Variants in GDF1 observed in about 807,000 individuals in gnomAD.
GDF1 encodes growth differentiation factor 1.
GDF1 carries 8 observed loss-of-function variants against 7.4 expected under a neutral mutation model. The observed-to-expected ratio is 1.09, with a 90% CI of 0.64 to 1.96. GDF1 has a LOEUF of 1.96. Ranked by LOEUF, GDF1 falls within the 30% of genes most tolerant of loss-of-function variation. The pLI, the probability that GDF1 is intolerant of heterozygous loss-of-function variation, is 0.00. For missense variants in GDF1, 574 were observed against 551.5 expected (o/e 1.04, Z -0.41); for synonymous variants, 311 against 276.7 (o/e 1.12, Z -1.23).
chr19:18,870,066 G>A lies in GDF1; in HGVS notation c.242C>T (p.Thr81Met), dbSNP rs578136748. Residue 81 changes from threonine to methionine, a missense_variant, in exon 7 of 8, where the codon ACG becomes ATG. Transcript: ENST00000247005. The surrounding 1 kb of genome is among the most constrained non-coding windows in gnomAD (Gnocchi z 5.1). ...PQETRSGSRR[T>M]SPGVTLQPCH... ...CGGTTGCAGGGTGACCCCTGGGGAC[G>A]TCCGCCGCGAGCCAGACCTGGTCTC... is the stretch of plus-strand genomic sequence containing the variant. 1.3e-6 allele frequency: 2 copies of A among 1,583,708 alleles called. No homozygotes were observed. Among genetic ancestry groups the A allele is most frequent in the Non-Finnish European group, 1.7e-6 (2 of 1,170,064 alleles).
chr19:18,869,901 G>A, intron 7 of GDF1, 82 bp downstream of exon 7: 1 of 1,382,324 alleles, frequency 7.2e-7, no homozygotes, highest in Non-Finnish European at 1.0e-6. Context: ...GGAGCTGCTC[G>A]GGCATCCCCG....
At position 18,868,799 on chromosome 19, in the gene GDF1, AGC is replaced by A; in HGVS notation, c.915_916del (p.Leu306ValfsTer45). Reference sequence around the variant, plus strand: ...CGCCGGCGGCCCCCCGGACCCCGACAGCGCGACGGGCAGCGCGCACTGACCCT... The same window carrying A: ...CGCCGGCGGCCCCCCGGACCCCGACAGCGACGGGCAGCGCGCACTGACCCT... On this transcript the variant is annotated frameshift_variant, in exon 8 of 8. Transcript: ENST00000247005. LOFTEE classifies it low-confidence loss of function (END_TRUNC). 6.9e-7 allele frequency: 1 copy of A among 1,456,588 alleles called. No individual in the cohort carries two copies. The highest frequency in any genetic ancestry group is 9.1e-7 in the Non-Finnish European group (1 of 1,094,210). The allele number at this position is 1,456,588 out of a possible 1,614,324, so 90.2% of individuals were successfully genotyped here.
chr19:18,886,755 C>T (rs1405479433), intron 2 of GDF1, among the ~76,000 whole-genome samples: 2 of 152,156 alleles, frequency 1.3e-5, no homozygotes, highest in Non-Finnish European at 2.9e-5. Context: ...GCCCAGCTGC[C>T]TCCAGATGCC....
chr19:18,895,769 G>T lies in GDF1; in HGVS notation c.-1074+55C>A. The T allele has an allele frequency of 9.7e-7, 1 of 1,035,188 alleles. No homozygotes were observed. The highest frequency in any genetic ancestry group is 1.2e-6 in the Non-Finnish European group (1 of 825,332). The allele number at this position is 1,035,188 out of a possible 1,614,324, so 64.1% of individuals were successfully genotyped here. On this transcript the variant is annotated intron_variant, in intron 1 of 7. Transcript: ENST00000247005. The surrounding 1 kb of genome is among the most constrained non-coding windows in gnomAD (Gnocchi z 6.4). The stretch of plus-strand genomic sequence containing the variant: ...ACGCGCCGGCGGCCCCAGGTCCCCG[G>T]TCCCGGCTTCCCCCAGTCCGGGGTC...
In GDF1 at chr19:18,868,828, G is replaced by A. The variant is rs1469009371; in HGVS notation, c.888C>T (p.Cys296=). ...CGACGGGCAGCGCGCACTGACCCTG[G>A]CAGTAGTTGGCCAGGAAGCCGCGCG... ...IAPRGFLANY[C]QGQCALPVAL... is the part of the protein sequence containing the mutation. The change falls in exon 8 of 8, where the codon TGC becomes TGT. Residue 296 remains cysteine (C), a synonymous_variant. Coordinates refer to ENST00000247005, the MANE Select transcript of GDF1 (RefSeq NM_001492.6). The A allele has an allele frequency of 6.9e-7, 1 of 1,455,950 alleles. No individual in the cohort carries two copies. Among genetic ancestry groups the A allele is most frequent in the South Asian group, 1.2e-5 (1 of 81,240 alleles). The allele number at this position is 1,455,950 out of a possible 1,614,324, so 90.2% of individuals were successfully genotyped here.
At position 18,868,787 on chromosome 19, in the gene GDF1, C is replaced by A; in HGVS notation, c.929G>T (p.Gly310Val). 1 of 1,463,856 alleles carries A rather than the reference C, an allele frequency of 6.8e-7. No individual in the cohort carries two copies. The highest frequency in any genetic ancestry group is 9.1e-7 in the Non-Finnish European group (1 of 1,098,688). The allele number at this position is 1,463,856 out of a possible 1,614,324, so 90.7% of individuals were successfully genotyped here. ...CALPVALSGS[G>V]GPPALNHAVL... ...AGCGTGGTTGAGCGCCGGCGGCCCC[C>A]CGGACCCCGACAGCGCGACGGGCAG... is the stretch of plus-strand genomic sequence containing the variant. The change falls in exon 8 of 8, where the codon GGG becomes GTG. Residue 310 changes from glycine (G) to valine (V), a missense_variant. Physicochemically the swap from Gly to Val is moderately radical, Grantham distance 109. Transcript: ENST00000247005.
chr19:18,873,092 A>G (rs1838301632), intron 6 of GDF1, among the ~76,000 whole-genome samples: 1 of 152,168 alleles, frequency 6.6e-6, no homozygotes, highest in African/African-American at 2.4e-5. Flanking sequence ...AGGGAGACAG[A>G]GGAGACAAGA....
Position 18,884,200 on chromosome 19 carries a change from A to G in GDF1, c.-846T>C, listed in dbSNP as rs1426719277. 25 of 1,613,594 alleles carry G rather than the reference A, an allele frequency of 1.5e-5. No homozygotes were observed. The highest frequency in any genetic ancestry group is 2.0e-5 in the Non-Finnish European group (24 of 1,179,844). ...ATAGCGTAGCGTAGATGGAGTGGCC[A>G]TAGAAGCTTCCCTGGAGCAGGTAGG... On this transcript the variant is annotated 5_prime_UTR_variant, in exon 3 of 8. An upstream start codon of the reference 5' UTR is lost. Coordinates refer to ENST00000247005, the MANE Select transcript of GDF1 (RefSeq NM_001492.6).
intron 6 of GDF1, chr19:18,877,951 C>T (rs1481403733): frequency 1.0e-6 from 1 of 983,658 alleles, no homozygotes; most frequent in Non-Finnish European, 1.2e-6. Context: ...TTCATCTACA[C>T]CCAAGGCGAA....
At chr19:18,890,866 G>A (rs992743930) in intron 2 of GDF1, among the ~76,000 whole-genome samples, 1 of 151,458 alleles carries the variant, frequency 6.6e-6, no homozygotes, top group Non-Finnish European at 1.5e-5. Context: ...GCTCATGCCT[G>A]TAATCCTGAC....
At chr19:18,883,322 A>C (rs2056261284) in intron 3 of GDF1, 1 of 152,202 alleles carries the variant, frequency 6.6e-6, no homozygotes. Context: ...AATTTTAATA[A>C]TGCATTCTAA....
chr19:18,873,213 A>G (rs565856918), intron 6 of GDF1, among the ~76,000 whole-genome samples: 47 of 152,120 alleles, frequency 3.1e-4, no homozygotes, highest in Non-Finnish European at 4.4e-4. Context: ...TTGGGGGCTG[A>G]TTTGAGATAT....
chr19:18,888,924 C>T (rs1233299501), intron 2 of GDF1, among the ~76,000 whole-genome samples: 2 of 135,412 alleles, frequency 1.5e-5, no homozygotes, highest in Admixed American at 7.8e-5. Context: ...CAGAGTCTTG[C>T]TCTGTCGCCT....
intron 2 of GDF1, among the ~76,000 whole-genome samples, chr19:18,888,817 C>T (rs899918978): frequency 3.3e-5 from 5 of 151,204 alleles, no homozygotes; most frequent in Non-Finnish European, 4.4e-5. Context: ...GCAACAAGAG[C>T]GAAACTCTGT....
rs1367469268 is a variant in GDF1 at position 18,870,667 on chromosome 19, G to T, written c.-312-48C>A. 4 of 513,344 alleles carry T rather than the reference G, an allele frequency of 7.8e-6. No individual in the cohort carries two copies. Among genetic ancestry groups the T allele is most frequent in the Middle Eastern group, 5.8e-4 (2 of 3,448 alleles). 31.8% of individuals were successfully genotyped at this position (513,344 alleles called of 1,614,324 possible). A position where few individuals can be genotyped will look rare whatever the true frequency, so the allele number is the denominator to read the frequency against. ...GTTAGCCTGGGAGCCCCACGCGGCC[G>T]CCTGGCCCTCTTTCCCGCTTCTTCT... On this transcript the variant is annotated intron_variant, in intron 6 of 7. Transcript: ENST00000247005. This position sits in a 1 kb window ranked among gnomAD's most constrained non-coding sequence, Gnocchi z 5.1.
chr19:18,880,149 T>G, intron 4 of GDF1, 125 bp downstream of exon 4: 5 of 639,274 alleles, frequency 7.8e-6, no homozygotes, highest in East Asian at 4.6e-5. Context: ...GCCCCTCCCC[T>G]GTCATGCCAC....
chr19:18,872,035 C>A (rs1009929825), intron 6 of GDF1, among the ~76,000 whole-genome samples: 4 of 152,222 alleles, frequency 2.6e-5, no homozygotes, highest in Non-Finnish European at 5.9e-5. Context: ...GGTCCCCGTG[C>A]TTTCCATTCC....
chr19:18,891,594 C>G (rs1472044349), intron 2 of GDF1, among the ~76,000 whole-genome samples: 1 of 152,056 alleles, frequency 6.6e-6, no homozygotes, highest in African/African-American at 2.4e-5. Flanking sequence ...ACCCCCAACC[C>G]CCAGGCAGGG....
At chr19:18,880,139 G>GC in intron 4 of GDF1, 135 bp downstream of exon 4, 1 of 886,514 alleles carries the variant, frequency 1.1e-6, no homozygotes, top group Non-Finnish European at 1.7e-6. Flanking sequence ...AAATCATGAG[G>GC]CCCCTCCCCT....
Sources: gnomAD v4.1 joint callset for allele counts (sites outside exome capture counted in the v4.1 genomes callset) on GRCh38, gnomAD v4.1.1 for gene constraint, Gnocchi (gnomAD v3.1) non-coding constraint, MANE v1.5 for transcripts, NCBI Gene and HGNC (gene_info 2026-07-23, HGNC 2026-07-21) for gene names.